The following PIEZO1 variants were observed in gnomAD, a reference collection of about 807,000 sequenced individuals.
The protein encoded by PIEZO1 is piezo-type mechanosensitive ion channel component 1.
Under a neutral mutation model 297.2 loss-of-function variants are expected in PIEZO1, and 296 were observed. The observed-to-expected ratio is 1.00, with a 90% CI of 0.91 to 1.10. The LOEUF (loss-of-function observed/expected upper bound fraction) is 1.10, where lower values mean the gene tolerates loss of function less well. Ranked by LOEUF, PIEZO1 falls within the 50% of genes least tolerant of loss-of-function variation. The pLI is 0.00. For missense variants in PIEZO1, 5,018 were observed against 3,455.5 expected, an observed-to-expected ratio of 1.45 and a Z score of -11.34; for synonymous variants, 2,427 against 1,507.5, an observed-to-expected ratio of 1.61 and a Z score of -14.13.
chr16:88,774,705 G>A (rs530995661), intron 1 of PIEZO1, among the ~76,000 whole-genome samples: 10 of 152,330 alleles, frequency 6.6e-5, no homozygotes, highest in African/African-American at 2.4e-4. Flanking sequence ...CAAAGAGACC[G>A]CTTGTCTTAT....
At position 88,723,279 on chromosome 16, in the gene PIEZO1, C is replaced by T. The variant is rs188337046; in HGVS notation, c.4385G>A (p.Arg1462Gln). 6.9e-3 allele frequency: 10,370 copies of T among 1,500,642 alleles called. 122 individuals are homozygous for T. Among genetic ancestry groups the T allele is most frequent in the African/African-American group, 0.028 (1,909 of 68,718 alleles). The allele number at this position is 1,500,642 out of a possible 1,614,324, so 93.0% of individuals were successfully genotyped here. Reference protein sequence around the residue: ...VTNAQAVLRRRQQEQEQARQE... With the variant: ...VTNAQAVLRRQQQEQEQARQE... Reference sequence around the variant, plus strand: ...CCTTGCCTGCTCCTGCTCCTGCTGCCGCCGCCTCAGCACCGCCTGGGCGTT... The same window carrying T: ...CCTTGCCTGCTCCTGCTCCTGCTGCTGCCGCCTCAGCACCGCCTGGGCGTT... Residue 1462 changes from arginine to glutamine, a missense_variant, in exon 32 of 51, where the codon CGG (arginine) becomes CAG (glutamine). By Grantham distance (43) the Arg-to-Gln change is conservative (BLOSUM62 1). Coordinates refer to ENST00000301015, the MANE Select transcript of PIEZO1 (RefSeq NM_001142864.4).
At chr16:88,737,386 TG>T (rs1352084712) in intron 10 of PIEZO1, 172 bp downstream of exon 10, 3 of 575,022 alleles carry the variant, frequency 5.2e-6, no homozygotes, top group South Asian at 2.1e-5. Flanking sequence ...TCGGCTGCCC[TG>T]GGGGTCTCGG....
At chr16:88,732,281 C>G (rs1043372870) in intron 21 of PIEZO1, 54 bp downstream of exon 21, 28 of 1,460,422 alleles carry the variant, frequency 1.9e-5, no homozygotes, top group Non-Finnish European at 2.6e-5. Context: ...GCAGCCGTCC[C>G]TCCCTCCCGA....
Position 88,733,797 on chromosome 16 carries a change from CCT to C in PIEZO1, c.2330-54_2330-53del, listed in dbSNP as rs1905034456. On this transcript the variant is annotated intron_variant, in intron 17 of 50. Transcript: ENST00000301015. ...GGCACAAACGGGGATTCCCGGGTCC[CCT>C]GTGAGGAAGAGGCTCTGGAGCCCAG... 6.1e-6 allele frequency: 9 copies of C among 1,481,082 alleles called. No individual in the cohort carries two copies. In the East Asian group the frequency reaches 2.2e-4, roughly 37 times the overall value. 91.7% of individuals were successfully genotyped at this position (1,481,082 alleles called of 1,614,324 possible).
chr16:88,730,772 C>T (rs1417300321), intron 22 of PIEZO1, among the ~76,000 whole-genome samples: 3 of 152,172 alleles, frequency 2.0e-5, no homozygotes, highest in African/African-American at 7.2e-5. Context: ...GCCGGAGGGG[C>T]CAGGACCCAC....
At chr16:88,775,257 G>A (rs906881085) in intron 1 of PIEZO1, among the ~76,000 whole-genome samples, 1 of 152,246 alleles carries the variant, frequency 6.6e-6, no homozygotes, top group Admixed American at 6.5e-5. Context: ...GCCCACACAG[G>A]ACACAGAGGA....
intron 34 of PIEZO1, 47 bp downstream of exon 34, chr16:88,722,790 C>A: frequency 6.5e-7 from 1 of 1,533,308 alleles, no homozygotes; most frequent in Non-Finnish European, 8.8e-7. Flanking sequence ...CAGGCAGGGG[C>A]GTAGTCAGGC....
In PIEZO1 at chr16:88,738,775, G is replaced by A. The variant is rs7185630; in HGVS notation, c.466-39C>T. 289,919 of 1,495,708 alleles carry A rather than the reference G, an allele frequency of 0.19. 32,051 individuals are homozygous for A. Among genetic ancestry groups the A allele is most frequent in the East Asian group, 0.54 (21,783 of 40,312 alleles). The allele number at this position is 1,495,708 out of a possible 1,614,324, so 92.7% of individuals were successfully genotyped here. On this transcript the variant is annotated intron_variant, in intron 5 of 50. Transcript: ENST00000301015. ...GGACAGGGGCAAGGTCAGGTGTATC[G>A]CACTGACGCCACCTCTCCAGCCCAC...
chr16:88,749,196 C>A (rs553150923), intron 2 of PIEZO1, among the ~76,000 whole-genome samples, 188 bp downstream of exon 2: 4 of 149,638 alleles, frequency 2.7e-5, no homozygotes, highest in Non-Finnish European at 5.9e-5. Flanking sequence ...GCAGAGATCG[C>A]GCCACTGCAC....
chr16:88,723,764 A>G, intron 31 of PIEZO1, 107 bp downstream of exon 31: 1 of 650,346 alleles, frequency 1.5e-6, no homozygotes, highest in Non-Finnish European at 2.7e-6. Context: ...GAGGTGGAGG[A>G]GCTCGGCTCC....
At position 88,736,258 on chromosome 16, in the gene PIEZO1, C is replaced by G. The variant is rs747301309; in HGVS notation, c.1447G>C (p.Val483Leu). 68 of 1,549,994 alleles carry G rather than the reference C, an allele frequency of 4.4e-5. No homozygotes were observed. In the African/African-American group the frequency reaches 5.5e-4, roughly 12 times the overall value. ...YGMTLCCLRY[V>L]WAMDLRPELP... is the part of the protein sequence containing the mutation. ...TCAGGGCGCAGGTCCATGGCCCACA[C>G]GTAGCGTAGGCAGCACAGCGTCATC... is the stretch of plus-strand genomic sequence containing the variant. Residue 483 changes from valine (V) to leucine (L), a missense_variant, in exon 12 of 51, where the codon GTG becomes CTG. Coordinates refer to ENST00000301015, the MANE Select transcript of PIEZO1 (RefSeq NM_001142864.4).
In PIEZO1 at chr16:88,721,163, T is replaced by C. The variant is rs1270154612; in HGVS notation, c.5668+3A>G. The C allele has an allele frequency of 1.3e-6, 2 of 1,497,908 alleles. No homozygotes were observed. The highest frequency in any genetic ancestry group is 1.8e-6 in the Non-Finnish European group (2 of 1,124,810). The allele number at this position is 1,497,908 out of a possible 1,614,324, so 92.8% of individuals were successfully genotyped here. A position where few individuals can be genotyped will look rare whatever the true frequency, so the allele number is the denominator to read the frequency against. Reference sequence around the variant, plus strand: ...AGGAGGTTGTGAGGCAGGGCGCTTATACCGATGGCTGCCGCTCCTTTCCGT... The same window carrying C: ...AGGAGGTTGTGAGGCAGGGCGCTTACACCGATGGCTGCCGCTCCTTTCCGT... On this transcript the variant is annotated splice_donor_region_variant and intron_variant, in intron 39 of 50. Coordinates refer to ENST00000301015, the MANE Select transcript of PIEZO1 (RefSeq NM_001142864.4).
rs1288181447 is a variant in PIEZO1, at chr16:88,727,137, C to A, written c.3357G>T (p.Glu1119Asp). 1 of 1,549,852 alleles carries A rather than the reference C, an allele frequency of 6.5e-7. No individual in the cohort carries two copies. The highest frequency in any genetic ancestry group is 2.0e-5 in the Admixed American group (1 of 51,006). ...CCATGCGCTGCCACTCCTCTGTGCG[C>A]TCAGCTGAGAACACCTGCCACTGCT... Reference protein sequence around the residue: ...ASQQWQVFSAERTEEWQRMAG... With the variant: ...ASQQWQVFSADRTEEWQRMAG... Residue 1119 changes from glutamate (E) to aspartate (D), a missense_variant, in exon 24 of 51, where the codon GAG becomes GAT. By Grantham distance (45) the Glu-to-Asp change is conservative. Transcript: ENST00000301015.
Position 88,723,333 on chromosome 16 carries a change from CG to C in PIEZO1, c.4336-6del. The C allele has an allele frequency of 1.3e-6, 2 of 1,537,212 alleles. No homozygotes were observed. Among genetic ancestry groups the C allele is most frequent in the Non-Finnish European group, 1.7e-6 (2 of 1,146,596 alleles). On this transcript the variant is annotated splice_polypyrimidine_tract_variant and splice_region_variant and intron_variant, in intron 31 of 50. Coordinates refer to ENST00000301015, the MANE Select transcript of PIEZO1 (RefSeq NM_001142864.4). Reference sequence around the variant, plus strand: ...CACCCATGCCTGGTACGCCAGCTGTCGGCCAGCCCCCGGGTTAGGACCCGGC... The same window carrying C: ...CACCCATGCCTGGTACGCCAGCTGTCGCCAGCCCCCGGGTTAGGACCCGGC...
At chr16:88,755,518 C>A (rs1290633627) in intron 1 of PIEZO1, among the ~76,000 whole-genome samples, 2 of 152,362 alleles carry the variant, frequency 1.3e-5, no homozygotes, top group Non-Finnish European at 2.9e-5. Flanking sequence ...CCAGATCGGG[C>A]GTTTGGGTTC....
At position 88,725,584 on chromosome 16, in the gene PIEZO1, G is replaced by A; in HGVS notation, c.4058+11C>T. The A allele has an allele frequency of 6.5e-7, 1 of 1,541,658 alleles. No homozygotes were observed. Among genetic ancestry groups the A allele is most frequent in the Non-Finnish European group, 8.8e-7 (1 of 1,139,012 alleles). On this transcript the variant is annotated intron_variant, in intron 28 of 50. Transcript: ENST00000301015. ...GAGGAGCCGGGGAGTCCCCGCCCCA[G>A]AGGCACCTACTGTCTTTTCAGCTGG...
In PIEZO1 at chr16:88,734,379, CG is replaced by C; in HGVS notation, c.2156del (p.Thr719SerfsTer13). ...TDMEHVSLPG[T>X]RLPRWAHRQD... ...ACCTGTGAGCCCAGCGCGGGAGGCG[CG>C]TGCCAGGCAGGGACACGTGCTCCAT... On this transcript the variant is annotated frameshift_variant, in exon 16 of 51. Transcript: ENST00000301015. LOFTEE classifies it high-confidence loss of function. 2 of 1,543,588 alleles carry C rather than the reference CG, an allele frequency of 1.3e-6. No homozygotes were observed. The highest frequency in any genetic ancestry group is 1.7e-6 in the Non-Finnish European group (2 of 1,143,200).
At chr16:88,728,234 G>C (rs1051207044) in intron 22 of PIEZO1, among the ~76,000 whole-genome samples, 3 of 152,268 alleles carry the variant, frequency 2.0e-5, no homozygotes, top group Admixed American at 6.5e-5. Flanking sequence ...GCTGGGGAGG[G>C]AGCCGTGGCA....
At chr16:88,733,824 G>A in intron 17 of PIEZO1, 79 bp from the exon 18 acceptor site, 4 of 1,466,104 alleles carry the variant, frequency 2.7e-6, no homozygotes, top group Non-Finnish European at 2.7e-6. Flanking sequence ...CTGGAGCCCA[G>A]AGGGGACTCT....
Sources: gnomAD v4.1 joint callset for allele counts (sites outside exome capture counted in the v4.1 genomes callset) on GRCh38, gnomAD v4.1.1 for gene constraint, MANE v1.5 for transcripts, NCBI Gene and HGNC (gene_info 2026-07-23, HGNC 2026-07-21) for gene names.